CACNA2D3: variants seen among roughly 807,000 people sequenced by gnomAD.
The protein encoded by CACNA2D3 is voltage-dependent calcium channel subunit alpha-2/delta-3.
A neutral mutation model predicts 160.6 loss-of-function variants in CACNA2D3; 60 were observed. The observed-to-expected ratio is 0.37, with a 90% CI of 0.30 to 0.46. CACNA2D3 has a LOEUF of 0.46. Among genes scored for constraint, CACNA2D3 ranks in the 20% least tolerant of loss-of-function variants. CACNA2D3 has a pLI of 1.00. For synonymous variants in CACNA2D3, 558 were observed against 492.9 expected (o/e 1.13, Z -1.75); for missense variants, 1,205 against 1,365.0 (o/e 0.88, Z 1.85).
intron 31 of CACNA2D3, among the ~76,000 whole-genome samples, chr3:54,996,238 T>C (rs1346063673): frequency 6.6e-6 from 1 of 152,254 alleles, no homozygotes. Context: ...GCTCTCCTGC[T>C]TCAAATGGGT....
chr3:54,125,173 G>A (rs755809383), intron 2 of CACNA2D3, among the ~76,000 whole-genome samples: 2 of 151,802 alleles, frequency 1.3e-5, no homozygotes, highest in Non-Finnish European at 2.9e-5. Context: ...TTTTGGTTGT[G>A]CTTTCATATC....
intron 5 of CACNA2D3, among the ~76,000 whole-genome samples, chr3:54,526,605 G>A (rs548854822): frequency 6.6e-6 from 1 of 152,246 alleles, no homozygotes; most frequent in East Asian, 1.9e-4. Flanking sequence ...AGAGGGTAAT[G>A]CCTTGGGTAG....
At chr3:54,401,956 T>C (rs1699474512) in intron 4 of CACNA2D3, among the ~76,000 whole-genome samples, 1 of 152,136 alleles carries the variant, frequency 6.6e-6, no homozygotes, top group Admixed American at 6.5e-5. Context: ...AAATGCTTAA[T>C]ATAAAAAGAC....
At chr3:54,767,607 C>G (rs2107105838) in intron 13 of CACNA2D3, among the ~76,000 whole-genome samples, 1 of 152,196 alleles carries the variant, frequency 6.6e-6, no homozygotes, top group Non-Finnish European at 1.5e-5. Flanking sequence ...AAAACACTCC[C>G]CACTAAGAGG....
At position 54,338,467 on chromosome 3, in the gene CACNA2D3, C is replaced by CTGTGTGTGTGTGTGTGTGTGTGTGTGTG. The variant is rs71074965; in HGVS notation, c.321+17927_321+17954dup. 1.2e-3 allele frequency among the ~76,000 whole-genome samples: 162 copies of CTGTGTGTGTGTGTGTGTGTGTGTGTGTG among 136,516 alleles called. 1 individual carries two copies. Among genetic ancestry groups the CTGTGTGTGTGTGTGTGTGTGTGTGTGTG allele is most frequent in the South Asian group, 5.5e-3 (21 of 3,842 alleles). 89.6% of individuals were successfully genotyped at this position (136,516 alleles called of 152,430 possible). On this transcript the variant is annotated intron_variant, in intron 3 of 37. Transcript: ENST00000474759. ...TTATAGCTCTCTTCATCTCCCCTCC[C>CTGTGTGTGTGTGTGTGTGTGTGTGTGTG]TGTGTGTGTGTGTGTGTGTGTGTGT... is the stretch of plus-strand genomic sequence containing the variant.
chr3:54,679,872 T>A lies in CACNA2D3; in HGVS notation c.1167+37631T>A, dbSNP rs143937118. 8.0e-3 allele frequency among the ~76,000 whole-genome samples: 1,221 copies of A among 152,350 alleles called. 11 individuals carry two copies. The highest frequency in any genetic ancestry group is 0.029 in the South Asian group (139 of 4,824). ...AATTACCTTTTTGGCAATTGCCAAATTTGCAAATTAATTCAAAGTTTGAAA... is the reference window on the plus strand; with the variant it reads ...AATTACCTTTTTGGCAATTGCCAAAATTGCAAATTAATTCAAAGTTTGAAA... On this transcript the variant is annotated intron_variant, in intron 11 of 37. Transcript: ENST00000474759.
chr3:54,249,452 T>C lies in CACNA2D3; in HGVS notation c.205-70990T>C, dbSNP rs562700172. Among the ~76,000 whole-genome samples, 24 of 152,156 alleles carry C rather than the reference T, an allele frequency of 1.6e-4. 1 individual carries two copies. The South Asian group carries it at 4.0e-3, about 25-fold the overall frequency. On this transcript the variant is annotated intron_variant, in intron 2 of 37. Coordinates refer to ENST00000474759, the MANE Select transcript of CACNA2D3 (RefSeq NM_018398.3). ...CAGCAGACTGTCTTTGAACTTTGTC[T>C]GCACCAGTGGCTCTCCTGGGTCTCC...
chr3:54,460,784 T>C (rs979445866), intron 4 of CACNA2D3, among the ~76,000 whole-genome samples: 5 of 152,172 alleles, frequency 3.3e-5, no homozygotes, highest in East Asian at 3.8e-4. Context: ...TTCTGCCTAA[T>C]TGCCCTGGCC....
intron 2 of CACNA2D3, among the ~76,000 whole-genome samples, chr3:54,257,747 CT>C (rs1262554826): frequency 6.6e-6 from 1 of 152,186 alleles, no homozygotes; most frequent in African/African-American, 2.4e-5. Flanking sequence ...AGTGGGCCCC[CT>C]GTTCTTCCAT....
chr3:54,780,077 T>TA (rs1575471672), intron 13 of CACNA2D3, among the ~76,000 whole-genome samples: 1 of 152,124 alleles, frequency 6.6e-6, no homozygotes, highest in African/African-American at 2.4e-5. Flanking sequence ...ATACTTTTCC[T>TA]AAAAAACGGT....
chr3:54,192,931 C>T (rs760811603), intron 2 of CACNA2D3, among the ~76,000 whole-genome samples: 3 of 152,194 alleles, frequency 2.0e-5, no homozygotes, highest in Non-Finnish European at 4.4e-5. Flanking sequence ...AGAATTACGA[C>T]AGCAGTGAAA....
intron 13 of CACNA2D3, among the ~76,000 whole-genome samples, chr3:54,765,143 G>C (rs940489597): frequency 6.6e-6 from 1 of 152,138 alleles, no homozygotes. Flanking sequence ...GTCCTCCAGA[G>C]TGATCTCAAT....
At chr3:54,588,042 C>A (rs535157815) in intron 9 of CACNA2D3, among the ~76,000 whole-genome samples, 5 of 152,162 alleles carry the variant, frequency 3.3e-5, no homozygotes, top group Non-Finnish European at 7.4e-5. Flanking sequence ...TTCTCATGAA[C>A]TTACATGCAA....
At chr3:54,658,058 T>C (rs1475109112) in intron 11 of CACNA2D3, among the ~76,000 whole-genome samples, 4 of 152,214 alleles carry the variant, frequency 2.6e-5, no homozygotes, top group Non-Finnish European at 5.9e-5. Context: ...ATGTGTACAC[T>C]ACATTTTCTT....
intron 27 of CACNA2D3, among the ~76,000 whole-genome samples, chr3:54,955,562 C>G (rs373327902): frequency 5.3e-4 from 81 of 152,214 alleles, no homozygotes; most frequent in African/African-American, 1.9e-3. Context: ...GCTAGAGGAA[C>G]GTTGATTCTG....
chr3:54,609,767 T>C (rs1193396618), intron 9 of CACNA2D3, among the ~76,000 whole-genome samples: 1 of 152,242 alleles, frequency 6.6e-6, no homozygotes, highest in Non-Finnish European at 1.5e-5. Context: ...ATAATTTATT[T>C]TATGGCATTT....
chr3:54,290,372 C>T (rs1212578742), intron 2 of CACNA2D3, among the ~76,000 whole-genome samples: 1 of 152,150 alleles, frequency 6.6e-6, no homozygotes, highest in African/African-American at 2.4e-5. Context: ...CCATCTCACA[C>T]CGGTTAGAAT....
chr3:55,000,511 T>C (rs1702958851), intron 31 of CACNA2D3, among the ~76,000 whole-genome samples: 1 of 152,212 alleles, frequency 6.6e-6, no homozygotes, highest in African/African-American at 2.4e-5. Flanking sequence ...ATGGCACATG[T>C]ATTCCTATGG....
intron 11 of CACNA2D3, among the ~76,000 whole-genome samples, chr3:54,738,388 C>G (rs745914017): frequency 5.9e-5 from 9 of 152,178 alleles, no homozygotes; most frequent in Non-Finnish European, 1.3e-4. Context: ...TCATAAGAGC[C>G]ATTGGCTTTG....
Sources: allele counts gnomAD v4.1 joint callset (sites outside exome capture counted in the v4.1 genomes callset), GRCh38; gene constraint gnomAD v4.1.1; transcripts MANE v1.5; gene names NCBI Gene and HGNC (gene_info 2026-07-23, HGNC 2026-07-21).